Variants in GRM7 observed in about 807,000 individuals in gnomAD.
The protein encoded by GRM7 is glutamate metabotropic receptor 7.
Under a neutral mutation model 84.5 loss-of-function variants are expected in GRM7, and 35 were observed. That is an observed-to-expected ratio of 0.41 (90% CI 0.32 to 0.55). The LOEUF (loss-of-function observed/expected upper bound fraction) is 0.55. GRM7 is among the 20% of genes least tolerant of loss of function. The probability of loss-of-function intolerance (pLI) is 0.19; values close to 1 mark genes in which losing one functional copy is unlikely to be tolerated. For synonymous variants in GRM7, 487 were observed against 455.1 expected, an observed-to-expected ratio of 1.07 and a Z score of -0.89; for missense variants, 1,003 against 1,194.6, an observed-to-expected ratio of 0.84 and a Z score of 2.36.
chr3:7,007,151 A>G (rs1695205108), intron 1 of GRM7, among the ~76,000 whole-genome samples: 1 of 152,148 alleles, frequency 6.6e-6, no homozygotes. Flanking sequence ...AAAGCTCAGG[A>G]TGAGGCAGGG....
chr3:7,380,030 C>G (rs1428107239), intron 4 of GRM7, among the ~76,000 whole-genome samples: 1 of 152,108 alleles, frequency 6.6e-6, no homozygotes, highest in Non-Finnish European at 1.5e-5. Context: ...TGGTTCTACT[C>G]CATTTCGAAA....
intron 9 of GRM7, among the ~76,000 whole-genome samples, chr3:7,704,477 A>G (rs138885603): frequency 2.6e-5 from 4 of 152,342 alleles, no homozygotes; most frequent in East Asian, 1.9e-4. Flanking sequence ...AGTTGAATTT[A>G]TATTTGAACA....
At chr3:7,236,615 G>T (rs1251424331) in intron 2 of GRM7, among the ~76,000 whole-genome samples, 1 of 152,138 alleles carries the variant, frequency 6.6e-6, no homozygotes, top group Non-Finnish European at 1.5e-5. Flanking sequence ...TTTATTTTCT[G>T]TCTTTGAATC....
chr3:6,901,546 C>T lies in GRM7; in HGVS notation c.519+39639C>T, dbSNP rs748701708. 4.5e-5 allele frequency among the ~76,000 whole-genome samples: 6 copies of T among 134,656 alleles called. No individual in the cohort carries two copies. In the East Asian group the frequency reaches 9.2e-4, roughly 21 times the overall value. The allele number at this position is 134,656 out of a possible 152,430, so 88.3% of individuals were successfully genotyped here. A position where few individuals can be genotyped will look rare whatever the true frequency, so the allele number is the denominator to read the frequency against. ...CCGATAGGTGGAGGTTGCAGTGAGC[C>T]GAGATTGCACCATTGCACTCCAGCC... On this transcript the variant is annotated intron_variant, in intron 1 of 9. Coordinates refer to ENST00000357716, the MANE Select transcript of GRM7 (RefSeq NM_000844.4).
At chr3:6,954,857 G>T (rs556865559) in intron 1 of GRM7, among the ~76,000 whole-genome samples, 12 of 152,348 alleles carry the variant, frequency 7.9e-5, no homozygotes, top group African/African-American at 2.9e-4. Context: ...AGAAGAGGCA[G>T]TAAAATGTAG....
At chr3:7,153,101 T>G (rs948725922) in intron 2 of GRM7, among the ~76,000 whole-genome samples, 4 of 150,254 alleles carry the variant, frequency 2.7e-5, no homozygotes, top group African/African-American at 9.8e-5. Flanking sequence ...CAGAAGAAAC[T>G]GCAGCATTGC....
At chr3:7,402,653 G>C (rs1695499867) in intron 4 of GRM7, among the ~76,000 whole-genome samples, 1 of 152,062 alleles carries the variant, frequency 6.6e-6, no homozygotes, top group African/African-American at 2.4e-5. Context: ...AGTGACCTTT[G>C]ATGTGAAATT....
At chr3:7,190,118 A>G (rs1695660895) in intron 2 of GRM7, among the ~76,000 whole-genome samples, 1 of 152,178 alleles carries the variant, frequency 6.6e-6, no homozygotes, top group Non-Finnish European at 1.5e-5. Flanking sequence ...GTCCTAAGCC[A>G]GGAGCCATGG....
chr3:7,470,735 A>ATTCT (rs1575386368), intron 7 of GRM7, among the ~76,000 whole-genome samples: 1 of 152,274 alleles, frequency 6.6e-6, no homozygotes, highest in East Asian at 1.9e-4. Context: ...AAAGAAATAC[A>ATTCT]ACAAGATAAA....
chr3:7,220,304 T>G (rs1366599371), intron 2 of GRM7, among the ~76,000 whole-genome samples: 1 of 152,188 alleles, frequency 6.6e-6, no homozygotes, highest in Non-Finnish European at 1.5e-5. Flanking sequence ...GAGGTTAATA[T>G]CCATATGATA....
chr3:7,212,511 G>A (rs186076297), intron 2 of GRM7, among the ~76,000 whole-genome samples: 22 of 152,112 alleles, frequency 1.4e-4, no homozygotes, highest in Admixed American at 7.8e-4. Context: ...ATATAGTTGC[G>A]AACTCATATG....
At chr3:7,637,536 G>C (rs1361691884) in intron 8 of GRM7, among the ~76,000 whole-genome samples, 1 of 152,148 alleles carries the variant, frequency 6.6e-6, no homozygotes, top group Non-Finnish European at 1.5e-5. Context: ...GAAATCAATA[G>C]AAAAATAAAA....
intron 8 of GRM7, among the ~76,000 whole-genome samples, chr3:7,645,548 A>T (rs1698591113): frequency 4.5e-5 from 1 of 22,256 alleles, no homozygotes; most frequent in African/African-American, 2.5e-4. Context: ...CTCCATCTTA[A>T]AAAAAAAAAA....
intron 7 of GRM7, among the ~76,000 whole-genome samples, chr3:7,467,325 A>G (rs1372714961): frequency 6.6e-6 from 1 of 152,066 alleles, no homozygotes; most frequent in Non-Finnish European, 1.5e-5. Context: ...CTGACCTTGT[A>G]ATCAGTCCGC....
intron 4 of GRM7, among the ~76,000 whole-genome samples, chr3:7,391,839 G>T (rs1284963449): frequency 1.3e-5 from 2 of 152,042 alleles, no homozygotes; most frequent in Non-Finnish European, 2.9e-5. Flanking sequence ...CTCCCCCAGA[G>T]CATGTTTGCC....
At chr3:7,620,751 A>G (rs543892463) in intron 8 of GRM7, among the ~76,000 whole-genome samples, 1 of 152,220 alleles carries the variant, frequency 6.6e-6, no homozygotes, top group South Asian at 2.1e-4. Flanking sequence ...AAATGACCCA[A>G]ATTATAAACT....
At chr3:7,504,744 C>A (rs959456273) in intron 7 of GRM7, among the ~76,000 whole-genome samples, 2 of 152,184 alleles carry the variant, frequency 1.3e-5, no homozygotes, top group Non-Finnish European at 2.9e-5. Context: ...TTTATTCATT[C>A]ATGGGAATAG....
intron 7 of GRM7, among the ~76,000 whole-genome samples, chr3:7,523,816 G>T (rs1700689479): frequency 6.6e-6 from 1 of 152,122 alleles, no homozygotes; most frequent in Admixed American, 6.6e-5. Context: ...ATATGGAAAT[G>T]CGGGGATGGG....
chr3:6,928,740 T>C lies in GRM7; in HGVS notation c.519+66833T>C, dbSNP rs1697396265. Among the ~76,000 whole-genome samples the C allele has an allele frequency of 6.6e-6, 1 of 152,176 alleles. No homozygotes were observed. Among genetic ancestry groups the C allele is most frequent in the Admixed American group, 6.5e-5 (1 of 15,280 alleles). On this transcript the variant is annotated intron_variant, in intron 1 of 9. Coordinates refer to ENST00000357716, the MANE Select transcript of GRM7 (RefSeq NM_000844.4). The surrounding 1 kb of genome is among the most constrained non-coding windows in gnomAD (Gnocchi z 4.5). ...TAAATGGCTTTTCCATGGATTGCAA[T>C]CATTGAAAGGTTGTAATTGTAGCCT...
Sources: gnomAD v4.1 joint callset for allele counts (sites outside exome capture counted in the v4.1 genomes callset) on GRCh38, gnomAD v4.1.1 for gene constraint, Gnocchi (gnomAD v3.1) non-coding constraint, MANE v1.5 for transcripts, NCBI Gene and HGNC (gene_info 2026-07-23, HGNC 2026-07-21) for gene names.